STARD13: variants seen among roughly 807,000 people sequenced by gnomAD.
The protein encoded by STARD13 is stAR-related lipid transfer protein 13.
Under a neutral mutation model 106.4 loss-of-function variants are expected in STARD13, and 62 were observed. That is an observed-to-expected ratio of 0.58 (90% confidence interval 0.48 to 0.72). The LOEUF (loss-of-function observed/expected upper bound fraction) is 0.72, where lower values mean the gene tolerates loss of function less well. Ranked by LOEUF, STARD13 falls within the 30% of genes least tolerant of loss-of-function variation. The pLI, the probability that STARD13 is intolerant of heterozygous loss-of-function variation, is 0.00. For missense variants in STARD13, 1,387 were observed against 1,424.0 expected (o/e 0.97, Z 0.42); for synonymous variants, 565 against 553.0 (o/e 1.02, Z -0.31).
At chr13:33,142,699 G>A (rs1323147564) in intron 3 of STARD13, among the ~76,000 whole-genome samples, 2 of 152,002 alleles carry the variant, frequency 1.3e-5, no homozygotes, top group South Asian at 2.1e-4. Flanking sequence ...TCCTCCAATC[G>A]TTTGCCACCT....
At chr13:33,287,811 T>A (rs1566119908), upstream of STARD13, among the ~76,000 whole-genome samples, 1 of 152,036 alleles carries the variant, frequency 6.6e-6, no homozygotes, top group East Asian at 1.9e-4. Context: ...ACTTTTTTAC[T>A]GGAAGAGAAT....
chr13:33,672,307 C>T, the STARD13 span, among the ~76,000 whole-genome samples: 1 of 152,054 alleles, frequency 6.6e-6, no homozygotes, highest in South Asian at 2.1e-4. Context: ...TAAGTGGGAG[C>T]TGAACAATGA....
chr13:33,671,119 A>C, the STARD13 span, among the ~76,000 whole-genome samples: 1 of 152,192 alleles, frequency 6.6e-6, no homozygotes, highest in South Asian at 2.1e-4. Flanking sequence ...CTTTTCCTCA[A>C]TAGTTTGATT....
the STARD13 span, among the ~76,000 whole-genome samples, chr13:33,550,293 G>C: frequency 1.3e-5 from 2 of 152,310 alleles, no homozygotes; most frequent in East Asian, 3.9e-4. Context: ...TTACTGGAAA[G>C]AAATTTACTC....
At chr13:33,180,090 T>C (rs1267157774) in intron 1 of STARD13, among the ~76,000 whole-genome samples, 2 of 152,216 alleles carry the variant, frequency 1.3e-5, no homozygotes, top group East Asian at 1.9e-4. Context: ...TTCATGATAC[T>C]CTTTCTGGTA....
chr13:33,400,935 C>T, the STARD13 span, among the ~76,000 whole-genome samples: 3,095 of 152,252 alleles, frequency 0.02, 108 homozygotes, highest in African/African-American at 0.071. Flanking sequence ...AATGTCAAAA[C>T]GACTCAGGAG....
rs748334208 is a variant in STARD13, at chr13:33,129,467, C to T, written c.1210G>A (p.Gly404Arg). ...ATAGAAAGTGCCTTGGGGAATGTTC[C>T]TGGTTTGTGATCCTTGGGAATATGC... ...VVHIPKDHKP[G>R]TFPKALSIES... The change falls in exon 5 of 14, where the codon GGA (glycine) becomes AGA (arginine). Residue 404 changes from glycine to arginine, a missense_variant. Physicochemically the swap from Gly to Arg is moderately radical, Grantham distance 125 (BLOSUM62 -2). Coordinates refer to ENST00000336934, the MANE Select transcript of STARD13 (RefSeq NM_178006.4). The T allele has an allele frequency of 1.9e-6, 3 of 1,614,198 alleles. No homozygotes were observed. The highest frequency in any genetic ancestry group is 2.2e-5 in the South Asian group (2 of 91,080).
chr13:33,177,008 T>C (rs1884586910), intron 1 of STARD13, among the ~76,000 whole-genome samples: 1 of 152,208 alleles, frequency 6.6e-6, no homozygotes, highest in African/African-American at 2.4e-5. Context: ...ATCTTCACAT[T>C]TGATGTTTAA....
chr13:33,664,188 A>G, the STARD13 span, among the ~76,000 whole-genome samples: 6 of 152,180 alleles, frequency 3.9e-5, no homozygotes, highest in African/African-American at 1.4e-4. Context: ...TCTCAACTTC[A>G]CATTTCCACT....
rs1178926399 is a variant in STARD13, at chr13:33,129,411, A to G, written c.1266T>C (p.Asn422=). The G allele has an allele frequency of 1.2e-6, 2 of 1,613,926 alleles. No individual in the cohort carries two copies. The highest frequency in any genetic ancestry group is 4.5e-5 in the East Asian group (2 of 44,882). Residue 422 remains asparagine, a synonymous_variant, in exon 5 of 14, where the codon AAT becomes AAC. Transcript: ENST00000336934. Reference sequence around the variant, plus strand: ...TGCTACCGGTCCTCCAATTAACCCCATTGCTACTATCTGTGGGAGAGAGGC... The same window carrying G: ...TGCTACCGGTCCTCCAATTAACCCCGTTGCTACTATCTGTGGGAGAGAGGC... ...IESLSPTDSS[N]GVNWRTGSIS...
At chr13:33,546,333 T>A in the STARD13 span, among the ~76,000 whole-genome samples, 1 of 152,188 alleles carries the variant, frequency 6.6e-6, no homozygotes. Flanking sequence ...GGGTCTTAGT[T>A]GTTAGAGCTT....
intron 1 of STARD13, among the ~76,000 whole-genome samples, chr13:33,274,548 T>G (rs1204552710): frequency 6.6e-6 from 1 of 152,200 alleles, no homozygotes; most frequent in East Asian, 1.9e-4. Context: ...TTACCATGTT[T>G]TATAATTTTT....
chr13:33,621,549 G>C, the STARD13 span, among the ~76,000 whole-genome samples: 1 of 151,384 alleles, frequency 6.6e-6, no homozygotes, highest in African/African-American at 2.4e-5. Context: ...GTGTGGTGGT[G>C]GGTGCCTGTA....
chr13:33,309,322 AT>A (rs1412143350), intron 1 of STARD13, among the ~76,000 whole-genome samples: 1 of 152,132 alleles, frequency 6.6e-6, no homozygotes, highest in Non-Finnish European at 1.5e-5. Context: ...CAAGCAATAT[AT>A]CCAGGGCCCA....
At chr13:33,509,860 CT>C in the STARD13 span, among the ~76,000 whole-genome samples, 4 of 152,300 alleles carry the variant, frequency 2.6e-5, no homozygotes, top group East Asian at 7.7e-4. Context: ...CTAAAATGTT[CT>C]AGCTGTTAGA....
the STARD13 span, among the ~76,000 whole-genome samples, chr13:33,598,127 A>C: frequency 6.6e-6 from 1 of 152,072 alleles, no homozygotes; most frequent in African/African-American, 2.4e-5. Context: ...CCCTAATGTC[A>C]ATGTCCTTTT....
chr13:33,525,498 A>T, the STARD13 span, among the ~76,000 whole-genome samples: 7 of 152,188 alleles, frequency 4.6e-5, no homozygotes, highest in African/African-American at 1.7e-4. Flanking sequence ...AAATTATTTA[A>T]AAATATTAAT....
the STARD13 span, among the ~76,000 whole-genome samples, chr13:33,664,960 C>G: frequency 6.6e-6 from 1 of 152,204 alleles, no homozygotes; most frequent in South Asian, 2.1e-4. Flanking sequence ...CCTTACTCAT[C>G]CTGACGGAAA....
At chr13:33,587,729 T>A in the STARD13 span, among the ~76,000 whole-genome samples, 1 of 152,226 alleles carries the variant, frequency 6.6e-6, no homozygotes, top group Non-Finnish European at 1.5e-5. Flanking sequence ...ATCCAGATAA[T>A]AAATTGTGCT....
Sources: gnomAD v4.1 joint callset for allele counts (sites outside exome capture counted in the v4.1 genomes callset) on GRCh38, gnomAD v4.1.1 for gene constraint, MANE v1.5 for transcripts, NCBI Gene and HGNC (gene_info 2026-07-23, HGNC 2026-07-21) for gene names.